The following NLRC3 variants were observed in gnomAD, a reference collection of about 807,000 sequenced individuals.
NLRC3 encodes the protein NLR family CARD domain-containing protein 3.
In NLRC3, 87 loss-of-function variants were observed where a neutral mutation model predicts 91.6. The ratio of observed to expected loss-of-function variants is 0.95; its 90% CI spans 0.80 to 1.14. NLRC3 has a LOEUF of 1.14. NLRC3 is among the 50% of genes most tolerant of loss of function. NLRC3 has a pLI of 0.00. For synonymous variants in NLRC3, 694 were observed against 625.3 expected (o/e 1.11, Z -1.64); for missense variants, 1,577 against 1,418.6 (o/e 1.11, Z -1.79).
Position 3,564,597 on chromosome 16 carries a change from C to T in NLRC3, c.340G>A (p.Gly114Arg), listed in dbSNP as rs569495525. The T allele has an allele frequency of 7.4e-6, 12 of 1,611,010 alleles. No homozygotes were observed. The highest frequency in any genetic ancestry group is 6.6e-5 in the South Asian group (6 of 91,040). Reference protein sequence around the residue: ...HDFTQVEATRGGGHPARTVAL... With the variant: ...HDFTQVEATRRGGHPARTVAL... ...ACGGTCCTGGCGGGGTGCCCGCCCC[C>T]GCGGGTGGCCTCCACCTGTGTGAAG... The change falls in exon 5 of 20, where the codon GGG (glycine) becomes AGG (arginine). Residue 114 changes from glycine to arginine, a missense_variant. Gly to Arg is a moderately radical substitution (Grantham distance 125, BLOSUM62 -2). Coordinates refer to ENST00000359128, the MANE Select transcript of NLRC3 (RefSeq NM_178844.4). This position sits in a 1 kb window ranked among gnomAD's most constrained non-coding sequence, Gnocchi z 5.9.
At chr16:3,552,620 G>A (rs1056783743) in intron 9 of NLRC3, among the ~76,000 whole-genome samples, 3 of 152,116 alleles carry the variant, frequency 2.0e-5, no homozygotes, top group African/African-American at 7.2e-5. Context: ...CTCCCATCTA[G>A]ACCAGCAGGC....
Position 3,564,775 on chromosome 16 carries a change from A to T in NLRC3, c.179-17T>A. On this transcript the variant is annotated splice_polypyrimidine_tract_variant and intron_variant, in intron 4 of 19. Transcript: ENST00000359128. This position sits in a 1 kb window ranked among gnomAD's most constrained non-coding sequence, Gnocchi z 5.9. ...TCCTTGAGTCTGCGGGACAGAGGCC[A>T]GTGGGGAGGTCTGGTAAGGGAAGAG... 3 of 1,568,090 alleles carry T rather than the reference A, an allele frequency of 1.9e-6. No individual in the cohort carries two copies. The highest frequency in any genetic ancestry group is 2.6e-6 in the Non-Finnish European group (3 of 1,160,692).
At chr16:3,548,032 C>G in intron 15 of NLRC3, 103 bp downstream of exon 15, 1 of 743,326 alleles carries the variant, frequency 1.3e-6, no homozygotes, top group Non-Finnish European at 2.3e-6. Flanking sequence ...AAGAGGAGTG[C>G]CAGGGGTCAC....
At chr16:3,552,914 G>A (rs73503393) in intron 9 of NLRC3, among the ~76,000 whole-genome samples, 306 of 152,224 alleles carry the variant, frequency 2.0e-3, no homozygotes, top group African/African-American at 7.0e-3. Flanking sequence ...CACTCCAGGC[G>A]GGCAATAGAG....
intron 8 of NLRC3, among the ~76,000 whole-genome samples, chr16:3,555,510 A>C (rs918641858): frequency 4.6e-5 from 7 of 152,128 alleles, no homozygotes; most frequent in African/African-American, 1.4e-4. Flanking sequence ...GGAACTGGAC[A>C]GATGTGATGG....
intron 1 of NLRC3, among the ~76,000 whole-genome samples, chr16:3,569,689 TGCCCA>T (rs1265684650): frequency 2.0e-5 from 3 of 151,904 alleles, no homozygotes; most frequent in Non-Finnish European, 4.4e-5. Context: ...TGAGCCACCG[TGCCCA>T]GCCCAAAAAC....
At chr16:3,547,334 C>A (rs531267547) in intron 15 of NLRC3, among the ~76,000 whole-genome samples, 3 of 152,164 alleles carry the variant, frequency 2.0e-5, no homozygotes, top group African/African-American at 7.2e-5. Context: ...GGCCACGTAT[C>A]GCACAATTCC....
Position 3,541,461 on chromosome 16 carries a change from GA to G in NLRC3, c.*363del. On this transcript the variant is annotated 3_prime_UTR_variant, in exon 20 of 20. Transcript: ENST00000359128. ...GGGATGATTTTTAACCAGGTGAGTG[GA>G]AAGGGGCAGTAATAAACATTTTTAA... 1 of 190,084 alleles carries G rather than the reference GA, an allele frequency of 5.3e-6. No individual in the cohort carries two copies. Among genetic ancestry groups the G allele is most frequent in the Non-Finnish European group, 1.1e-5 (1 of 92,452 alleles). 11.8% of individuals were successfully genotyped at this position (190,084 alleles called of 1,614,324 possible).
At chr16:3,544,154 G>A (rs1205444749) in intron 16 of NLRC3, 92 bp downstream of exon 16, 15 of 757,768 alleles carry the variant, frequency 2.0e-5, no homozygotes, top group South Asian at 7.9e-5. Context: ...CAAGACTCTT[G>A]TCTCGAGGAA....
In NLRC3 at chr16:3,564,078, G is replaced by T; in HGVS notation, c.859C>A (p.Arg287=). The stretch of plus-strand genomic sequence containing the variant: ...TTGATCTCCTCCTCGTTAAAGCCCC[G>T]GATCTCCGTCATCCGGTCCACCAGG... The part of the protein sequence containing the change: ...GGLVDRMTEI[R]GFNEEEIKVC... The change falls in exon 5 of 20, where the codon CGG becomes AGG. Residue 287 remains arginine, a synonymous_variant. Coordinates refer to ENST00000359128, the MANE Select transcript of NLRC3 (RefSeq NM_178844.4). This position sits in a 1 kb window ranked among gnomAD's most constrained non-coding sequence, Gnocchi z 5.9. The T allele has an allele frequency of 1.2e-6, 2 of 1,613,418 alleles. No individual in the cohort carries two copies. Among genetic ancestry groups the T allele is most frequent in the Non-Finnish European group, 1.7e-6 (2 of 1,179,878 alleles).
rs777656498 is a variant in NLRC3 at position 3,561,752 on chromosome 16, C to T, written c.1965G>A (p.Glu655=). The T allele has an allele frequency of 1.7e-5, 28 of 1,613,642 alleles. No homozygotes were observed. Among genetic ancestry groups the T allele is most frequent in the Non-Finnish European group, 2.4e-5 (28 of 1,179,744 alleles). Residue 655 remains glutamate, a synonymous_variant, in exon 6 of 20, where the codon GAG becomes GAA. Coordinates refer to ENST00000359128, the MANE Select transcript of NLRC3 (RefSeq NM_178844.4). ...TCCCACTCAGCACGCTGCCCAGCAG[C>T]TCCATCACGGGGTCCTGGAACTGGT... is the stretch of plus-strand genomic sequence containing the variant. ...DTNQFQDPVM[E]LLGSVLSGKD...
Position 3,549,324 on chromosome 16 carries a change from C to T in NLRC3, c.2520-99G>A, listed in dbSNP as rs180842864. On this transcript the variant is annotated intron_variant, in intron 12 of 19. Transcript: ENST00000359128. ...AGGCTTCTTGAAGCCCAAGAAACTG[C>T]AGGCGGGGGACCTAGAGTTCTGCAT... The T allele has an allele frequency of 8.0e-5, 69 of 862,406 alleles. 1 individual carries two copies. In the East Asian group the frequency reaches 8.7e-4, roughly 11 times the overall value. The allele number at this position is 862,406 out of a possible 1,614,324, so 53.4% of individuals were successfully genotyped here. A position where few individuals can be genotyped will look rare whatever the true frequency, so the allele number is the denominator to read the frequency against.
chr16:3,544,491 C>T (rs988720806), intron 15 of NLRC3, 162 bp from the exon 16 acceptor site: 21 of 618,756 alleles, frequency 3.4e-5, no homozygotes, highest in Non-Finnish European at 5.3e-5. Context: ...CCCTGCAGCC[C>T]GCCGCCTCAT....
In NLRC3 at chr16:3,564,640, C is replaced by G; in HGVS notation, c.297G>C (p.Leu99=). ...GTGTGAAGTCGTGTTCCCTCAGCTGCAGGTCCGTCAGGCCCTCCACCAGCA... is the reference window on the plus strand; with the variant it reads ...GTGTGAAGTCGTGTTCCCTCAGCTGGAGGTCCGTCAGGCCCTCCACCAGCA... The part of the protein sequence containing the change: ...SLLLVEGLTD[L]QLREHDFTQV... Residue 99 remains leucine (L), a synonymous_variant, in exon 5 of 20, where the codon CTG becomes CTC. Transcript: ENST00000359128. The surrounding 1 kb of genome is among the most constrained non-coding windows in gnomAD (Gnocchi z 5.9). 1 of 1,607,236 alleles carries G rather than the reference C, an allele frequency of 6.2e-7. No individual in the cohort carries two copies. The highest frequency in any genetic ancestry group is 2.2e-5 in the East Asian group (1 of 44,870).
At chr16:3,573,296 G>A (rs1027101444) in intron 1 of NLRC3, among the ~76,000 whole-genome samples, 12 of 151,596 alleles carry the variant, frequency 7.9e-5, no homozygotes, top group Admixed American at 5.3e-4. Flanking sequence ...GCACGGTGGC[G>A]CATGCCTGTA....
rs1181400146 is a variant in NLRC3, at chr16:3,541,805, T to C, written c.*20A>G. 1.3e-6 allele frequency: 2 copies of C among 1,543,504 alleles called. No homozygotes were observed. Among genetic ancestry groups the C allele is most frequent in the South Asian group, 2.3e-5 (2 of 88,214 alleles). On this transcript the variant is annotated 3_prime_UTR_variant, in exon 20 of 20. Transcript: ENST00000359128. ...CTTCCAGCTGAGCATCTGCCCATTCTCCTGATCCGTCCACCAGGATCACAT... is the reference window on the plus strand; with the variant it reads ...CTTCCAGCTGAGCATCTGCCCATTCCCCTGATCCGTCCACCAGGATCACAT...
At chr16:3,553,196 A>C (rs1187399080) in intron 9 of NLRC3, among the ~76,000 whole-genome samples, 2 of 152,234 alleles carry the variant, frequency 1.3e-5, no homozygotes, top group Non-Finnish European at 2.9e-5. Flanking sequence ...CTTCCTGAGA[A>C]AACTTGAGGT....
In NLRC3 at chr16:3,563,415, C is replaced by A; in HGVS notation, c.1522G>T (p.Gly508Trp). The change falls in exon 5 of 20, where the codon GGG (glycine) becomes TGG (tryptophan). Residue 508 changes from glycine to tryptophan, a missense_variant. Gly to Trp is a radical substitution (Grantham distance 184). Coordinates refer to ENST00000359128, the MANE Select transcript of NLRC3 (RefSeq NM_178844.4). Reference protein sequence around the residue: ...AAQRAMQAEDGRLDVFLRFLS... With the variant: ...AAQRAMQAEDWRLDVFLRFLS... ...AAGCGCAGGAACACGTCCAGCCTCC[C>A]GTCCTCTGCCTGCATGGCCCGCTGG... 1 of 1,575,728 alleles carries A rather than the reference C, an allele frequency of 6.3e-7. No individual in the cohort carries two copies. The highest frequency in any genetic ancestry group is 2.3e-5 in the East Asian group (1 of 42,762).
Position 3,541,404 on chromosome 16 carries a change from C to A in NLRC3, c.*421G>T, listed in dbSNP as rs919399616. 6.1e-6 allele frequency: 1 copy of A among 162,676 alleles called. No individual in the cohort carries two copies. The highest frequency in any genetic ancestry group is 1.3e-5 in the Non-Finnish European group (1 of 75,114). The allele number at this position is 162,676 out of a possible 1,614,324, so 10.1% of individuals were successfully genotyped here. ...ACCCCTACCAAACGGATGCTCCTCA[C>A]GGGCTTGAGGTGGCAGCTCATCTCA... On this transcript the variant is annotated 3_prime_UTR_variant, in exon 20 of 20. Transcript: ENST00000359128.
Sources: allele counts gnomAD v4.1 joint callset (sites outside exome capture counted in the v4.1 genomes callset), GRCh38; gene constraint gnomAD v4.1.1; non-coding constraint Gnocchi (gnomAD v3.1); transcripts MANE v1.5; gene names NCBI Gene and HGNC (gene_info 2026-07-23, HGNC 2026-07-21).